PSD3: variants seen among roughly 807,000 people sequenced by gnomAD.
PSD3 encodes pleckstrin and Sec7 domain containing 3.
PSD3 carries 49 observed loss-of-function variants against 105.5 expected under a neutral mutation model. That is an observed-to-expected ratio of 0.46 (90% CI 0.37 to 0.59). The LOEUF (loss-of-function observed/expected upper bound fraction) is 0.59. Ranked by LOEUF, PSD3 falls within the 20% of genes least tolerant of loss-of-function variation. The probability of loss-of-function intolerance (pLI) is 0.00; values close to 1 mark genes in which losing one functional copy is unlikely to be tolerated. For synonymous variants in PSD3, 557 were observed against 457.8 expected, an observed-to-expected ratio of 1.22 and a Z score of -2.77; for missense variants, 1,561 against 1,263.8, an observed-to-expected ratio of 1.24 and a Z score of -3.57.
intron 1 of PSD3, among the ~76,000 whole-genome samples, chr8:19,082,938 A>C (rs777939373): frequency 1.3e-5 from 2 of 152,206 alleles, no homozygotes; most frequent in African/African-American, 4.8e-5. Flanking sequence ...CCGTTTCTTA[A>C]CTGTGGCTAC....
chr8:18,639,846 G>C (rs936506028), intron 10 of PSD3, among the ~76,000 whole-genome samples: 1 of 152,142 alleles, frequency 6.6e-6, no homozygotes, highest in African/African-American at 2.4e-5. Context: ...TTTGCAGATG[G>C]GAGTGTGCCC....
intron 1 of PSD3, among the ~76,000 whole-genome samples, chr8:18,989,071 CTCCAGTT>C (rs1825656375): frequency 6.6e-6 from 1 of 152,144 alleles, no homozygotes; most frequent in South Asian, 2.1e-4. Context: ...TATTCAATTC[CTCCAGTT>C]TTAAAATTCT....
intron 11 of PSD3, among the ~76,000 whole-genome samples, chr8:18,613,015 G>T (rs749236027): frequency 7.0e-6 from 1 of 143,482 alleles, no homozygotes; most frequent in African/African-American, 2.6e-5. Context: ...TTGGAAAACA[G>T]GTCAGAACAC....
chr8:18,996,193 A>C (rs1826072298), intron 1 of PSD3, among the ~76,000 whole-genome samples: 1 of 151,536 alleles, frequency 6.6e-6, no homozygotes, highest in Admixed American at 6.6e-5. Context: ...TAATGCATGC[A>C]ATGAACATTT....
At chr8:18,957,890 G>C (rs1586524058) in intron 1 of PSD3, among the ~76,000 whole-genome samples, 2 of 152,304 alleles carry the variant, frequency 1.3e-5, no homozygotes, top group East Asian at 1.9e-4. Context: ...GTCTTGGCCA[G>C]AACACTTCAG....
intron 14 of PSD3, among the ~76,000 whole-genome samples, chr8:18,565,132 T>C (rs1249435583): frequency 6.6e-6 from 1 of 152,122 alleles, no homozygotes; most frequent in East Asian, 1.9e-4. Flanking sequence ...CATGTGTCCC[T>C]GAGCCCAGCC....
chr8:18,944,724 T>A (rs1822755937), intron 1 of PSD3, among the ~76,000 whole-genome samples: 1 of 152,162 alleles, frequency 6.6e-6, no homozygotes, highest in Non-Finnish European at 1.5e-5. Flanking sequence ...AAACTTTCAA[T>A]TTATAATTTT....
At chr8:18,910,850 A>T (rs913331777) in intron 2 of PSD3, among the ~76,000 whole-genome samples, 2 of 151,892 alleles carry the variant, frequency 1.3e-5, no homozygotes, top group Non-Finnish European at 2.9e-5. Context: ...TCTGACACAG[A>T]AGTCGAAAAA....
At chr8:18,554,177 T>A (rs1036017124) in intron 15 of PSD3, among the ~76,000 whole-genome samples, 2 of 152,158 alleles carry the variant, frequency 1.3e-5, no homozygotes, top group African/African-American at 4.8e-5. Context: ...ACCTTCGGCA[T>A]CAAGGGCTCC....
intron 2 of PSD3, among the ~76,000 whole-genome samples, chr8:18,916,070 T>C (rs1057491025): frequency 2.6e-5 from 4 of 151,658 alleles, no homozygotes; most frequent in African/African-American, 9.7e-5. Context: ...CACTCCAGCC[T>C]GGGCAAAAAG....
In PSD3 at chr8:18,533,817, T is replaced by C. The variant is rs1007657442; in HGVS notation, c.*1926A>G. 2.6e-5 allele frequency: 4 copies of C among 152,182 alleles called. No individual in the cohort carries two copies. Among genetic ancestry groups the C allele is most frequent in the African/African-American group, 9.7e-5 (4 of 41,450 alleles). 9.4% of individuals were successfully genotyped at this position (152,182 alleles called of 1,614,324 possible). On this transcript the variant is annotated 3_prime_UTR_variant, in exon 16 of 16. Transcript: ENST00000327040. The stretch of plus-strand genomic sequence containing the variant: ...TTCAGTGAGAGGCTACAAAAATCAA[T>C]CTGATACATGGGCCATATTGGTAAC...
intron 1 of PSD3, among the ~76,000 whole-genome samples, chr8:19,059,072 G>C (rs750640620): frequency 1.2e-4 from 18 of 152,338 alleles, no homozygotes; most frequent in Middle Eastern, 3.4e-3. Flanking sequence ...TATTGAGGCT[G>C]AACGCTGCCC....
chr8:18,911,289 T>A (rs183441295), intron 2 of PSD3, among the ~76,000 whole-genome samples: 6 of 152,302 alleles, frequency 3.9e-5, no homozygotes, highest in African/African-American at 1.4e-4. Context: ...ATGTATTCAA[T>A]ACTAACAATT....
chr8:18,545,078 G>A (rs1800378305), intron 15 of PSD3, among the ~76,000 whole-genome samples: 1 of 152,148 alleles, frequency 6.6e-6, no homozygotes, highest in Non-Finnish European at 1.5e-5. Context: ...AATTCCTGTT[G>A]AAAACTCATT....
At chr8:18,710,120 C>T (rs1802160096) in intron 9 of PSD3, among the ~76,000 whole-genome samples, 2 of 152,066 alleles carry the variant, frequency 1.3e-5, no homozygotes, top group South Asian at 2.1e-4. Context: ...GACCTGTTAA[C>T]CAGAATAACC....
chr8:18,537,922 C>T (rs189811650), intron 15 of PSD3, among the ~76,000 whole-genome samples: 8 of 152,324 alleles, frequency 5.3e-5, no homozygotes, highest in African/African-American at 1.9e-4. Context: ...GGTGATCCAC[C>T]CGCCTCGGCC....
chr8:18,591,651 G>C (rs933393446), intron 12 of PSD3, among the ~76,000 whole-genome samples: 3 of 152,136 alleles, frequency 2.0e-5, no homozygotes, highest in African/African-American at 7.2e-5. Flanking sequence ...GGCACACTTA[G>C]TGTACTTGAT....
intron 1 of PSD3, chr8:18,940,183 T>C (rs1386908806): frequency 1.6e-4 from 25 of 152,228 alleles, no homozygotes; most frequent in Admixed American, 1.6e-3. Flanking sequence ...TTTCTAACAA[T>C]TTTTCAGGTG....
intron 8 of PSD3, among the ~76,000 whole-genome samples, chr8:18,769,216 G>T (rs1807282963): frequency 6.6e-6 from 1 of 152,140 alleles, no homozygotes; most frequent in Non-Finnish European, 1.5e-5. Flanking sequence ...TCCAAGTCAG[G>T]TGGTGTTTAA....
Sources: allele counts gnomAD v4.1 joint callset (sites outside exome capture counted in the v4.1 genomes callset), GRCh38; gene constraint gnomAD v4.1.1; transcripts MANE v1.5; gene names NCBI Gene and HGNC (gene_info 2026-07-23, HGNC 2026-07-21).